The following BCL2L13 variants were observed in gnomAD, a reference collection of about 807,000 sequenced individuals.
BCL2L13 encodes the protein bcl-2-like protein 13.
In BCL2L13, 13 loss-of-function variants were observed where a neutral mutation model predicts 25.8. That is an observed-to-expected ratio of 0.50 (90% CI 0.33 to 0.80). The LOEUF (loss-of-function observed/expected upper bound fraction) is 0.80, where lower values mean the gene tolerates loss of function less well. Ranked by LOEUF, BCL2L13 falls within the 30% of genes least tolerant of loss-of-function variation. The pLI, the probability that BCL2L13 is intolerant of heterozygous loss-of-function variation, is 0.02. For missense variants in BCL2L13, 504 were observed against 574.9 expected, an observed-to-expected ratio of 0.88 and a Z score of 1.26; for synonymous variants, 244 against 230.3, an observed-to-expected ratio of 1.06 and a Z score of -0.54.
intron 5 of BCL2L13, among the ~76,000 whole-genome samples, chr22:17,698,189 A>G (rs1204673013): frequency 6.7e-6 from 1 of 150,328 alleles, no homozygotes; most frequent in African/African-American, 2.5e-5. Flanking sequence ...CGGCTCACTC[A>G]CTGCAGCCTT....
chr22:17,658,133 C>T (rs1275988312), intron 2 of BCL2L13, among the ~76,000 whole-genome samples: 6 of 150,670 alleles, frequency 4.0e-5, no homozygotes, highest in African/African-American at 1.5e-4. Flanking sequence ...ATTTCTTTAT[C>T]GTCCAATTCA....
At chr22:17,684,739 AT>A (rs754796363) in intron 3 of BCL2L13, 44,597 of 304,912 alleles carry the variant, frequency 0.15, 9 homozygotes, top group South Asian at 0.28. Flanking sequence ...AATTTTTTGT[AT>A]TTTTTTTTTT....
intron 6 of BCL2L13, among the ~76,000 whole-genome samples, chr22:17,716,054 A>C (rs1372640990): frequency 6.6e-6 from 1 of 152,244 alleles, no homozygotes; most frequent in Non-Finnish European, 1.5e-5. Flanking sequence ...CCCTTGAAGC[A>C]TTTATAATGT....
intron 1 of BCL2L13, among the ~76,000 whole-genome samples, chr22:17,647,792 C>T (rs2058544414): frequency 6.6e-6 from 1 of 152,100 alleles, no homozygotes; most frequent in African/African-American, 2.4e-5. Flanking sequence ...GCTTTAGAAA[C>T]AGATGTCACG....
chr22:17,681,400 G>A (rs2059751286), intron 2 of BCL2L13, among the ~76,000 whole-genome samples: 1 of 151,964 alleles, frequency 6.6e-6, no homozygotes, highest in Non-Finnish European at 1.5e-5. Flanking sequence ...CAGCTACTTG[G>A]GAGCAGGAGA....
intron 1 of BCL2L13, among the ~76,000 whole-genome samples, chr22:17,648,436 G>A (rs1056117543): frequency 3.9e-5 from 6 of 151,992 alleles, no homozygotes; most frequent in Non-Finnish European, 7.4e-5. Context: ...GGTGGCTCAC[G>A]CTTGTAATCC....
intron 1 of BCL2L13, among the ~76,000 whole-genome samples, chr22:17,641,283 T>A (rs186447932): frequency 1.4e-4 from 22 of 152,350 alleles, no homozygotes; most frequent in Non-Finnish European, 2.6e-4. Context: ...TATCATTTTT[T>A]AGACAGGATT....
intron 6 of BCL2L13, among the ~76,000 whole-genome samples, chr22:17,717,298 T>C (rs1357061235): frequency 6.7e-6 from 1 of 149,432 alleles, no homozygotes; most frequent in African/African-American, 2.5e-5. Context: ...TGAAAACCCA[T>C]CTTCAGTGAA....
At chr22:17,629,753 C>T (rs2057965311) in intron 1 of BCL2L13, among the ~76,000 whole-genome samples, 1 of 151,738 alleles carries the variant, frequency 6.6e-6, no homozygotes. Context: ...CTGCATTGAC[C>T]TCCCTTCACC....
intron 1 of BCL2L13, among the ~76,000 whole-genome samples, chr22:17,643,019 A>G (rs2058345970): frequency 1.3e-5 from 2 of 152,218 alleles, no homozygotes; most frequent in Non-Finnish European, 2.9e-5. Flanking sequence ...TACACAAGCC[A>G]TATACAGGAA....
chr22:17,631,660 GTGTGTGTGTGTATATATATATATATA>G (rs2058017917), intron 1 of BCL2L13, among the ~76,000 whole-genome samples: 1 of 6,392 alleles, frequency 1.6e-4, no homozygotes, highest in African/African-American at 9.1e-4. Flanking sequence ...GTGTATGTAT[GTGTGTGTGTGTATATATATATATATA>G]TATATATATA....
intron 3 of BCL2L13, among the ~76,000 whole-genome samples, chr22:17,687,927 C>A (rs1000046453): frequency 1.3e-5 from 2 of 150,546 alleles, no homozygotes; most frequent in South Asian, 4.2e-4. Flanking sequence ...AAGCGATTCT[C>A]CTGCCTCAGG....
intron 6 of BCL2L13, among the ~76,000 whole-genome samples, chr22:17,722,378 G>GTGTGTGTGTGTGT (rs1491171137): frequency 8.2e-6 from 1 of 122,064 alleles, no homozygotes; most frequent in African/African-American, 4.1e-5. Context: ...AGACTACAGG[G>GTGTGTGTGTGTGT]GTGTGTGTGT....
At chr22:17,706,986 A>T (rs778870152) in intron 6 of BCL2L13, among the ~76,000 whole-genome samples, 7 of 152,354 alleles carry the variant, frequency 4.6e-5, no homozygotes, top group East Asian at 1.9e-4. Context: ...TTCTCTTGAC[A>T]TGAAGCTTCT....
At chr22:17,637,052 C>G (rs1601440596), upstream of BCL2L13, among the ~76,000 whole-genome samples, 1 of 152,244 alleles carries the variant, frequency 6.6e-6, no homozygotes, top group Admixed American at 6.5e-5. Context: ...GCAGGCGGAT[C>G]TCTTGAGGTC....
chr22:17,683,861 T>G (rs1007518824), intron 3 of BCL2L13, among the ~76,000 whole-genome samples: 4 of 149,228 alleles, frequency 2.7e-5, no homozygotes, highest in African/African-American at 9.8e-5. Flanking sequence ...ATTATTATTA[T>G]TATTATTATT....
intron 6 of BCL2L13, among the ~76,000 whole-genome samples, chr22:17,716,442 C>A (rs937697485): frequency 6.6e-6 from 1 of 152,168 alleles, no homozygotes. Context: ...TTTAGTATGG[C>A]ATTTGTAGGG....
In BCL2L13 at chr22:17,730,037, C is replaced by T. The variant is rs1470336717; in HGVS notation, c.*2503C>T. The T allele has an allele frequency of 1.3e-5, 2 of 152,222 alleles. No homozygotes were observed. Among genetic ancestry groups the T allele is most frequent in the African/African-American group, 4.8e-5 (2 of 41,450 alleles). The allele number at this position is 152,222 out of a possible 1,614,324, so 9.4% of individuals were successfully genotyped here. A position where few individuals can be genotyped will look rare whatever the true frequency, so the allele number is the denominator to read the frequency against. ...CATTCCTTCCACCTCCAACTTATAC[C>T]CTCTAAGTCTAAGGTGAAGGAAAGA... is the stretch of plus-strand genomic sequence containing the variant. On this transcript the variant is annotated 3_prime_UTR_variant, in exon 7 of 7. Transcript: ENST00000317582.
chr22:17,713,938 C>T (rs1039066139), intron 6 of BCL2L13, among the ~76,000 whole-genome samples: 11 of 151,448 alleles, frequency 7.3e-5, no homozygotes, highest in African/African-American at 9.7e-5. Context: ...GTCAGGAGTT[C>T]GAGACCAGCC....
Sources: gnomAD v4.1 joint callset for allele counts (sites outside exome capture counted in the v4.1 genomes callset) on GRCh38, gnomAD v4.1.1 for gene constraint, MANE v1.5 for transcripts, NCBI Gene and HGNC (gene_info 2026-07-23, HGNC 2026-07-21) for gene names.